The following CHLSN variants were observed in gnomAD, a reference collection of about 807,000 sequenced individuals.
CHLSN encodes the protein cholesin, also known as protein cholesin.
At chr7:1,089,856 G>A in the CHLSN span, among the ~76,000 whole-genome samples, 1 of 151,894 alleles carries the variant, frequency 6.6e-6, no homozygotes, top group African/African-American at 2.4e-5. Context: ...GCCAAGGCGG[G>A]CAGATCACTA....
chr7:1,071,649 C>T, the CHLSN span, among the ~76,000 whole-genome samples: 2 of 152,286 alleles, frequency 1.3e-5, no homozygotes, highest in African/African-American at 4.8e-5. Flanking sequence ...GTTCAGGAGA[C>T]GCAAAGGCAC....
the CHLSN span, among the ~76,000 whole-genome samples, chr7:1,086,049 T>C: frequency 2.0e-5 from 3 of 152,186 alleles, no homozygotes; most frequent in Non-Finnish European, 2.9e-5. Flanking sequence ...AAGACCCAGA[T>C]GCCCCGATCC....
At chr7:1,137,997 G>A in the CHLSN span, 1 of 89,040 alleles carries the variant, frequency 1.1e-5, no homozygotes, top group African/African-American at 8.3e-5. Context: ...CCCGCGCCGG[G>A]ACGCACCGGC....
chr7:1,016,769 C>T, the CHLSN span, among the ~76,000 whole-genome samples: 1 of 81,384 alleles, frequency 1.2e-5, no homozygotes, highest in African/African-American at 7.1e-5. Context: ...CAGCGCACAG[C>T]GCACAGCAGC....
chr7:1,000,658 C>G, the CHLSN span: 2 of 852,912 alleles, frequency 2.3e-6, no homozygotes, highest in Non-Finnish European at 3.7e-6. Context: ...GGAGCCCCAC[C>G]AGGTACTACA....
the CHLSN span, among the ~76,000 whole-genome samples, chr7:979,525 G>T: frequency 2.5e-3 from 386 of 152,196 alleles, 3 homozygotes; most frequent in African/African-American, 8.4e-3. Context: ...GCCACGGTGG[G>T]CGGATCATCT....
At chr7:1,115,609 G>A in the CHLSN span, among the ~76,000 whole-genome samples, 1 of 122,388 alleles carries the variant, frequency 8.2e-6, no homozygotes, top group Non-Finnish European at 1.7e-5. Flanking sequence ...TACAGCTCTA[G>A]GGATGGCTTC....
At chr7:1,138,052 C>T in the CHLSN span, 7 of 150,146 alleles carry the variant, frequency 4.7e-5, no homozygotes, top group African/African-American at 1.7e-4. Context: ...ACCCCAGGGC[C>T]GCCGCCCGGT....
At chr7:1,000,240 G>C in the CHLSN span, among the ~76,000 whole-genome samples, 14 of 152,170 alleles carry the variant, frequency 9.2e-5, no homozygotes, top group African/African-American at 3.4e-4. Context: ...CACAGGAGAC[G>C]TGCCTGCCCC....
At chr7:988,443 G>A in the CHLSN span, 9 of 1,611,442 alleles carry the variant, frequency 5.6e-6, no homozygotes, top group Admixed American at 1.7e-5. Context: ...GGGCCGGGGT[G>A]GGGCGGCACC....
At chr7:1,006,283 A>G in the CHLSN span, among the ~76,000 whole-genome samples, 1 of 152,210 alleles carries the variant, frequency 6.6e-6, no homozygotes, top group Non-Finnish European at 1.5e-5. Context: ...ACGAGGGGAC[A>G]GTCACAGCAC....
the CHLSN span, chr7:997,686 G>A: frequency 6.2e-7 from 1 of 1,611,226 alleles, no homozygotes; most frequent in South Asian, 1.1e-5. Flanking sequence ...GGGGGGATCA[G>A]AGCCCTCCTC....
At chr7:1,048,302 G>C in the CHLSN span, among the ~76,000 whole-genome samples, 23,403 of 152,156 alleles carry the variant, frequency 0.15, 1,956 homozygotes, top group Admixed American at 0.21. Context: ...AGAACTTCCC[G>C]ACTAACAGGG....
chr7:1,070,323 G>T, the CHLSN span, among the ~76,000 whole-genome samples: 1 of 134,146 alleles, frequency 7.5e-6, no homozygotes, highest in Non-Finnish European at 1.7e-5. Context: ...TCAGCCCCCC[G>T]CCTGGCCAGC....
the CHLSN span, among the ~76,000 whole-genome samples, chr7:1,060,132 C>T: frequency 6.6e-6 from 1 of 152,104 alleles, no homozygotes; most frequent in Non-Finnish European, 1.5e-5. Flanking sequence ...TTTTGTAAAA[C>T]ATCTACTTTA....
chr7:1,113,551 C>T, the CHLSN span, among the ~76,000 whole-genome samples: 1 of 152,170 alleles, frequency 6.6e-6, no homozygotes, highest in African/African-American at 2.4e-5. Context: ...CCACAGGATG[C>T]AGAACAGCTG....
At chr7:1,080,916 C>T in the CHLSN span, 1 of 152,394 alleles carries the variant, frequency 6.6e-6, no homozygotes, top group Non-Finnish European at 1.5e-5. Context: ...CATGAACTGC[C>T]TTTGCGGGTA....
At chr7:1,076,352 C>T in the CHLSN span, 1 of 154,648 alleles carries the variant, frequency 6.5e-6, no homozygotes, top group African/African-American at 2.4e-5. Context: ...GGAGCACCAC[C>T]AGATAGGCTG....
At chr7:1,043,208 A>G in the CHLSN span, among the ~76,000 whole-genome samples, 11 of 152,300 alleles carry the variant, frequency 7.2e-5, no homozygotes, top group Non-Finnish European at 1.3e-4. Flanking sequence ...CCTGGGCAAC[A>G]TGACAGAAAC....
Sources: allele counts gnomAD v4.1 joint callset (sites outside exome capture counted in the v4.1 genomes callset), GRCh38; gene constraint gnomAD v4.1.1; transcripts MANE v1.5; gene names NCBI Gene and HGNC (gene_info 2026-07-23, HGNC 2026-07-21).